The following PCDHA7 variants were observed in gnomAD, a reference collection of about 807,000 sequenced individuals.
PCDHA7 encodes the protein protocadherin alpha-7.
In PCDHA7, 37 loss-of-function variants were observed where a neutral mutation model predicts 57.2. That is an observed-to-expected ratio of 0.65 (90% CI 0.50 to 0.85). PCDHA7 has a LOEUF of 0.85. Among genes scored for constraint, PCDHA7 ranks in the 40% least tolerant of loss-of-function variants. The pLI is 0.00. For synonymous variants in PCDHA7, 553 were observed against 558.8 expected, an observed-to-expected ratio of 0.99 and a Z score of 0.15; for missense variants, 1,188 against 1,241.8, an observed-to-expected ratio of 0.96 and a Z score of 0.65.
intron 1 of PCDHA7, among the ~76,000 whole-genome samples, chr5:140,911,559 C>T (rs2075532280): frequency 6.6e-6 from 1 of 152,168 alleles, no homozygotes; most frequent in Non-Finnish European, 1.5e-5. Flanking sequence ...CATTTTCTTT[C>T]ATCACTTTGT....
In PCDHA7 at chr5:140,851,279, A is replaced by G. The variant is rs1554145338; in HGVS notation, c.2355+14541A>G. On this transcript the variant is annotated intron_variant, in intron 1 of 3. Transcript: ENST00000525929. ...ATTTTAGTCTACTTGTATTGTTTAT[A>G]AGAAACCCAAGCAAAAATATATAGC... 2.9e-6 allele frequency: 3 copies of G among 1,045,342 alleles called. 1 individual carries two copies. In the African/African-American group the frequency reaches 5.0e-5, roughly 17 times the overall value. The allele number at this position is 1,045,342 out of a possible 1,614,324, so 64.8% of individuals were successfully genotyped here.
chr5:140,962,036 A>G (rs761594563), intron 1 of PCDHA7, among the ~76,000 whole-genome samples: 10 of 151,802 alleles, frequency 6.6e-5, no homozygotes, highest in Non-Finnish European at 1.2e-4. Flanking sequence ...GGCACCCACC[A>G]CCATGCCTGG....
intron 1 of PCDHA7, among the ~76,000 whole-genome samples, chr5:140,956,442 T>A (rs557521776): frequency 2.6e-5 from 4 of 152,362 alleles, no homozygotes; most frequent in African/African-American, 9.6e-5. Flanking sequence ...GCTTATGTGA[T>A]GAATTACATT....
chr5:140,869,522 T>A, intron 1 of PCDHA7: 1 of 1,614,172 alleles, frequency 6.2e-7, no homozygotes, highest in Non-Finnish European at 8.5e-7. Context: ...GAACAAAAGC[T>A]GCTGATTGCG....
rs563178599 is a variant in PCDHA7, at chr5:140,863,384, C to G, written c.2355+26646C>G. The G allele has an allele frequency of 5.4e-5, 56 of 1,044,914 alleles. No homozygotes were observed. In the South Asian group the frequency reaches 6.5e-4, roughly 12 times the overall value. The allele number at this position is 1,044,914 out of a possible 1,614,324, so 64.7% of individuals were successfully genotyped here. On this transcript the variant is annotated intron_variant, in intron 1 of 3. Coordinates refer to ENST00000525929, the MANE Select transcript of PCDHA7 (RefSeq NM_018910.3). ...TGCTTGGCGCAGCTCACCGAGAGCT[C>G]GTGCATGCCGGGCAAGCCCACGCTG... is the stretch of plus-strand genomic sequence containing the variant.
chr5:140,932,346 A>C (rs529573484), intron 1 of PCDHA7, among the ~76,000 whole-genome samples: 1 of 151,954 alleles, frequency 6.6e-6, no homozygotes, highest in African/African-American at 2.4e-5. Context: ...AACACTTACC[A>C]TACAACTGGC....
chr5:140,854,300 G>A lies in PCDHA7; in HGVS notation c.2355+17562G>A, dbSNP rs193127815. The A allele has an allele frequency of 1.0e-3, 435 of 414,882 alleles. 8 individuals are homozygous for A. Among genetic ancestry groups the A allele is most frequent in the African/African-American group, 1.4e-3 (63 of 46,296 alleles). The allele number at this position is 414,882 out of a possible 1,614,324, so 25.7% of individuals were successfully genotyped here. The stretch of plus-strand genomic sequence containing the variant: ...GAGTTTAGTTTTTATTATTTTGTGC[G>A]TGGAGATGATTGATCAATGGCAAAC... On this transcript the variant is annotated intron_variant, in intron 1 of 3. Coordinates refer to ENST00000525929, the MANE Select transcript of PCDHA7 (RefSeq NM_018910.3).
chr5:140,925,026 G>A (rs1440774987), intron 1 of PCDHA7, among the ~76,000 whole-genome samples: 1 of 151,826 alleles, frequency 6.6e-6, no homozygotes, highest in Non-Finnish European at 1.5e-5. Flanking sequence ...TGGGAGGATC[G>A]CTTGAGCCCA....
At chr5:140,924,715 C>T (rs1258622619) in intron 1 of PCDHA7, among the ~76,000 whole-genome samples, 5 of 151,692 alleles carry the variant, frequency 3.3e-5, no homozygotes, top group African/African-American at 7.3e-5. Context: ...TGCAACATGG[C>T]GAAACCTCAC....
In PCDHA7 at chr5:140,843,731, T is replaced by C. The variant is rs1331325301; in HGVS notation, c.2355+6993T>C. 3.9e-6 allele frequency: 6 copies of C among 1,551,218 alleles called. 1 individual carries two copies. The highest frequency in any genetic ancestry group is 5.3e-6 in the Non-Finnish European group (6 of 1,131,064). On this transcript the variant is annotated intron_variant, in intron 1 of 3. Transcript: ENST00000525929. ...TGGCCTCAAAGTAAGTCCATTTAAA[T>C]TTAGAACTCATAAATTCTATTTGTG...
chr5:140,987,882 T>G (rs942974119), intron 3 of PCDHA7, among the ~76,000 whole-genome samples: 2 of 152,158 alleles, frequency 1.3e-5, no homozygotes, highest in Non-Finnish European at 2.9e-5. Flanking sequence ...ATGGACAGTT[T>G]ATGTGCCCTA....
At chr5:140,877,766 C>T in intron 1 of PCDHA7, 2 of 1,614,186 alleles carry the variant, frequency 1.2e-6, no homozygotes, top group South Asian at 2.2e-5. Flanking sequence ...GAGAGCCCGC[C>T]CAAGACGGAC....
In PCDHA7 at chr5:140,882,341, G is replaced by A. The variant is rs782271839; in HGVS notation, c.2355+45603G>A. 5.6e-6 allele frequency: 9 copies of A among 1,614,058 alleles called. No individual in the cohort carries two copies. The Admixed American group carries it at 1.3e-4, about 24-fold the overall frequency. ...CTGGCTTCTGATCCTCGCAGCCTGGGAGACGGGTAGTGGCCAGCTCCACTA... is the reference window on the plus strand; with the variant it reads ...CTGGCTTCTGATCCTCGCAGCCTGGAAGACGGGTAGTGGCCAGCTCCACTA... On this transcript the variant is annotated intron_variant, in intron 1 of 3. Coordinates refer to ENST00000525929, the MANE Select transcript of PCDHA7 (RefSeq NM_018910.3).
chr5:140,855,966 T>G (rs1554148056), intron 1 of PCDHA7: 7 of 1,422,780 alleles, frequency 4.9e-6, no homozygotes, highest in Non-Finnish European at 2.9e-6. Flanking sequence ...AAAATAGATA[T>G]AAGAAATAGG....
At chr5:140,850,395 A>G in intron 1 of PCDHA7, 3 of 1,597,894 alleles carry the variant, frequency 1.9e-6, no homozygotes, top group Non-Finnish European at 1.7e-6. Context: ...GATCAGCACA[A>G]CGCGTGCCCT....
At position 140,853,244 on chromosome 5, in the gene PCDHA7, T is replaced by C. The variant is rs954151249; in HGVS notation, c.2355+16506T>C. ...TTGGTAATTTAGTCCTTCATATTAATCTCTATTCTCTCTCAGAGTACAAGC... is the reference window on the plus strand; with the variant it reads ...TTGGTAATTTAGTCCTTCATATTAACCTCTATTCTCTCTCAGAGTACAAGC... On this transcript the variant is annotated intron_variant, in intron 1 of 3. Transcript: ENST00000525929. 6.8e-5 allele frequency: 66 copies of C among 975,168 alleles called. 5 individuals carry two copies. Among genetic ancestry groups the C allele is most frequent in the Non-Finnish European group, 7.9e-5 (64 of 808,328 alleles). 60.4% of individuals were successfully genotyped at this position (975,168 alleles called of 1,614,324 possible).
chr5:140,862,608 A>G (rs565248341), intron 1 of PCDHA7: 1 of 519,626 alleles, frequency 1.9e-6, no homozygotes, highest in East Asian at 5.2e-5. Flanking sequence ...TGTTCGTGAA[A>G]GGTAACAACC....
Position 141,010,331 on chromosome 5 carries a change from T to C in PCDHA7, c.*394T>C. 6.5e-7 allele frequency: 1 copy of C among 1,537,904 alleles called. No homozygotes were observed. Among genetic ancestry groups the C allele is most frequent in the Non-Finnish European group, 8.8e-7 (1 of 1,142,160 alleles). On this transcript the variant is annotated 3_prime_UTR_variant, in exon 4 of 4. Transcript: ENST00000525929. The stretch of plus-strand genomic sequence containing the variant: ...TTTTGAGATTGAGCAGCTTGGGAGT[T>C]TGTGGCCACTGGGTATGTGTGGCTA...
At chr5:140,879,103 GGT>G (rs2057856027) in intron 1 of PCDHA7, among the ~76,000 whole-genome samples, 1 of 152,156 alleles carries the variant, frequency 6.6e-6, no homozygotes, top group Admixed American at 6.6e-5. Flanking sequence ...CACAGTATAT[GGT>G]GTAATTGAAG....
Sources: allele counts gnomAD v4.1 joint callset (sites outside exome capture counted in the v4.1 genomes callset), GRCh38; gene constraint gnomAD v4.1.1; transcripts MANE v1.5; gene names NCBI Gene and HGNC (gene_info 2026-07-23, HGNC 2026-07-21).